The following OR3A1 variants were observed in gnomAD, a reference collection of about 807,000 sequenced individuals.
OR3A1 encodes the protein olfactory receptor 3A1.
For synonymous variants in OR3A1, 145 were observed against 160.0 expected (o/e 0.91, Z 0.71); for missense variants, 402 against 393.8 (o/e 1.02, Z -0.18).
intron 1 of OR3A1, among the ~76,000 whole-genome samples, chr17:3,298,078 G>A (rs1338292945): frequency 6.6e-6 from 1 of 152,122 alleles, no homozygotes; most frequent in Non-Finnish European, 1.5e-5. Flanking sequence ...TCCATTCACG[G>A]AGATGTCTTT....
Position 3,293,811 on chromosome 17 carries a change from G to A in OR3A1, c.-6-1223C>T, listed in dbSNP as rs185935715. Among the ~76,000 whole-genome samples, 50 of 152,326 alleles carry A rather than the reference G, an allele frequency of 3.3e-4. No homozygotes were observed. In the East Asian group the frequency reaches 7.7e-3, roughly 24 times the overall value. ...ATGAGATCATGTCCTTTGCAGGGAT[G>A]TGGATGAAGCTGGAAGCCATTATCC... On this transcript the variant is annotated intron_variant, in intron 1 of 1. Transcript: ENST00000323404.
At chr17:3,298,152 T>G (rs1481730231) in intron 1 of OR3A1, 131 bp downstream of exon 1, 1 of 152,122 alleles carries the variant, frequency 6.6e-6, no homozygotes, top group African/African-American at 2.4e-5. Context: ...TAAATAAGAA[T>G]AGGCTAGAAG....
intron 1 of OR3A1, among the ~76,000 whole-genome samples, chr17:3,293,358 G>GA (rs1312348157): frequency 1.3e-5 from 2 of 152,024 alleles, no homozygotes; most frequent in Non-Finnish European, 2.9e-5. Flanking sequence ...GCAAAAGGTA[G>GA]AAAAAAATAC....
At chr17:3,296,721 T>C (rs2048920902) in intron 1 of OR3A1, among the ~76,000 whole-genome samples, 1 of 152,132 alleles carries the variant, frequency 6.6e-6, no homozygotes, top group Admixed American at 6.5e-5. Flanking sequence ...ATGTGAAAAC[T>C]TGCTCGAGAA....
chr17:3,292,277 G>C lies in OR3A1; in HGVS notation c.306C>G (p.Thr102=). Residue 102 remains threonine (T), a synonymous_variant, in exon 2 of 2, where the codon ACC becomes ACG. Coordinates refer to ENST00000323404, the MANE Select transcript of OR3A1 (RefSeq NM_002550.3). ...CGAACAGATGGAAGAAGAAGAGCTGGGTAAGGCAGGCCCCACAGGGAACTG... is the reference window on the plus strand; with the variant it reads ...CGAACAGATGGAAGAAGAAGAGCTGCGTAAGGCAGGCCCCACAGGGAACTG... ...KRAVPCGACL[T]QLFFFHLFVG... 6.2e-7 allele frequency: 1 copy of C among 1,614,178 alleles called. No individual in the cohort carries two copies. Among genetic ancestry groups the C allele is most frequent in the Non-Finnish European group, 8.5e-7 (1 of 1,180,034 alleles).
In OR3A1 at chr17:3,291,748, T is replaced by C; in HGVS notation, c.835A>G (p.Ile279Val). ...ATGGGATTGATGACAGTGTTGAAAATTCCAACAGCTTTATCCTTGTCTGAA... is the reference window on the plus strand; with the variant it reads ...ATGGGATTGATGACAGTGTTGAAAACTCCAACAGCTTTATCCTTGTCTGAA... ...KLSDKDKAVG[I>V]FNTVINPMLN... The change falls in exon 2 of 2, where the codon ATT (isoleucine) becomes GTT (valine). Residue 279 changes from isoleucine to valine, a missense_variant. Ile to Val is a conservative substitution (Grantham distance 29, BLOSUM62 3). Transcript: ENST00000323404. 2 of 1,613,732 alleles carry C rather than the reference T, an allele frequency of 1.2e-6. No individual in the cohort carries two copies. Among genetic ancestry groups the C allele is most frequent in the Middle Eastern group, 1.6e-4 (1 of 6,062 alleles).
chr17:3,298,344 G>T lies in OR3A1; in HGVS notation c.-68C>A, dbSNP rs1597325626. 6.6e-6 allele frequency: 1 copy of T among 152,150 alleles called. No individual in the cohort carries two copies. The highest frequency in any genetic ancestry group is 1.9e-4 in the East Asian group (1 of 5,194). The allele number at this position is 152,150 out of a possible 1,614,324, so 9.4% of individuals were successfully genotyped here. A position where few individuals can be genotyped will look rare whatever the true frequency, so the allele number is the denominator to read the frequency against. ...AGGCTGCCCTTATTGAGTGATCCTG[G>T]ATCCCTGCTCCAACATTCCAACTAA... On this transcript the variant is annotated 5_prime_UTR_variant, in exon 1 of 2. Coordinates refer to ENST00000323404, the MANE Select transcript of OR3A1 (RefSeq NM_002550.3).
At chr17:3,294,289 A>G (rs546779393) in intron 1 of OR3A1, among the ~76,000 whole-genome samples, 2 of 152,168 alleles carry the variant, frequency 1.3e-5, no homozygotes, top group African/African-American at 4.8e-5. Flanking sequence ...GAGCTGGAAG[A>G]AGAAAGAAAA....
rs766454594 is a variant in OR3A1, at chr17:3,292,561, T to C, written c.22A>G (p.Asn8Asp). 1.2e-6 allele frequency: 2 copies of C among 1,609,472 alleles called. No homozygotes were observed. Among genetic ancestry groups the C allele is most frequent in the South Asian group, 1.1e-5 (1 of 90,820 alleles). ...ATGAACTCAGCAATGACTGTTCCAT[T>C]GGCCCCAGATTCTGGCTGCATGAGT... is the stretch of plus-strand genomic sequence containing the variant. MQPESGANGTVIAEFILL... is the reference protein window; with the variant it reads MQPESGADGTVIAEFILL... Residue 8 changes from asparagine (N) to aspartate (D), a missense_variant, in exon 2 of 2, where the codon AAT becomes GAT. Physicochemically the swap from Asn to Asp is conservative, Grantham distance 23. Coordinates refer to ENST00000323404, the MANE Select transcript of OR3A1 (RefSeq NM_002550.3).
At position 3,292,411 on chromosome 17, in the gene OR3A1, G is replaced by C; in HGVS notation, c.172C>G (p.Leu58Val). The C allele has an allele frequency of 6.2e-7, 1 of 1,614,038 alleles. No homozygotes were observed. The highest frequency in any genetic ancestry group is 1.6e-4 in the Middle Eastern group (1 of 6,062). The change falls in exon 2 of 2, where the codon CTC becomes GTC. Residue 58 changes from leucine (L) to valine (V), a missense_variant. Physicochemically the swap from Leu to Val is conservative, Grantham distance 32. Transcript: ENST00000323404. ...AGGAAGAAGTACATGGGGGTGTGGAGTTTGGGCTCCACCAAGACAGCTGCC... is the reference window on the plus strand; with the variant it reads ...AGGAAGAAGTACATGGGGGTGTGGACTTTGGGCTCCACCAAGACAGCTGCC... Reference protein sequence around the residue: ...ILAAVLVEPKLHTPMYFFLGN... With the variant: ...ILAAVLVEPKVHTPMYFFLGN...
rs2048868569 is a variant in OR3A1 at position 3,291,683 on chromosome 17, C to A, written c.900G>T (p.Val300=). ...PIIYSFRNPD[V]QSAIWRMLTG... ...TGAGCATCCTCCAGATGGCACTCTGCACATCAGGGTTTCTGAAGCTGTAGA... is the reference window on the plus strand; with the variant it reads ...TGAGCATCCTCCAGATGGCACTCTGAACATCAGGGTTTCTGAAGCTGTAGA... Residue 300 remains valine, a synonymous_variant, in exon 2 of 2, where the codon GTG becomes GTT. Coordinates refer to ENST00000323404, the MANE Select transcript of OR3A1 (RefSeq NM_002550.3). 6.2e-7 allele frequency: 1 copy of A among 1,610,082 alleles called. No homozygotes were observed. Among genetic ancestry groups the A allele is most frequent in the Non-Finnish European group, 8.5e-7 (1 of 1,176,712 alleles).
At chr17:3,295,437 A>G (rs2048911582) in intron 1 of OR3A1, among the ~76,000 whole-genome samples, 1 of 152,114 alleles carries the variant, frequency 6.6e-6, no homozygotes, top group African/African-American at 2.4e-5. Context: ...ACACAAAGTT[A>G]CAGTTATAAA....
At position 3,291,489 on chromosome 17, in the gene OR3A1, A is replaced by C. The variant is rs2048866145; in HGVS notation, c.*146T>G. 1.6e-6 allele frequency: 1 copy of C among 619,370 alleles called. No individual in the cohort carries two copies. Among genetic ancestry groups the C allele is most frequent in the Admixed American group, 3.0e-5 (1 of 33,022 alleles). The allele number at this position is 619,370 out of a possible 1,614,324, so 38.4% of individuals were successfully genotyped here. On this transcript the variant is annotated 3_prime_UTR_variant, in exon 2 of 2. Coordinates refer to ENST00000323404, the MANE Select transcript of OR3A1 (RefSeq NM_002550.3). The stretch of plus-strand genomic sequence containing the variant: ...TATAATTGGACAGGGCTGCTTTCAG[A>C]AATGAAAACTATTATTCCCTACAAA...
chr17:3,292,282 G>A lies in OR3A1; in HGVS notation c.301C>T (p.Leu101Phe), dbSNP rs777711411. ...RKRAVPCGAC[L>F]TQLFFFHLFV... ...AGATGGAAGAAGAAGAGCTGGGTAA[G>A]GCAGGCCCCACAGGGAACTGCACGC... Residue 101 changes from leucine (L) to phenylalanine (F), a missense_variant, in exon 2 of 2, where the codon CTT becomes TTT. Physicochemically the swap from Leu to Phe is conservative, Grantham distance 22. Transcript: ENST00000323404. 4.3e-6 allele frequency: 7 copies of A among 1,614,172 alleles called. No individual in the cohort carries two copies. The Admixed American group carries it at 1.0e-4, about 23-fold the overall frequency.
chr17:3,294,933 G>A (rs887122178), intron 1 of OR3A1, among the ~76,000 whole-genome samples: 1 of 152,054 alleles, frequency 6.6e-6, no homozygotes. Flanking sequence ...GTTGAAGAAA[G>A]CAGACTTCAG....
Position 3,291,792 on chromosome 17 carries a change from C to T in OR3A1, c.791G>A (p.Arg264Gln), listed in dbSNP as rs540886927. The T allele has an allele frequency of 1.5e-5, 25 of 1,613,698 alleles. No individual in the cohort carries two copies. Among genetic ancestry groups the T allele is most frequent in the South Asian group, 1.4e-4 (13 of 91,066 alleles). Residue 264 changes from arginine to glutamine, a missense_variant, in exon 2 of 2, where the codon CGA (arginine) becomes CAA (glutamine). Coordinates refer to ENST00000323404, the MANE Select transcript of OR3A1 (RefSeq NM_002550.3). ...FYGSGIFNYM[R>Q]LGSTKLSDKD... The stretch of plus-strand genomic sequence containing the variant: ...GTCTGAAAGCTTGGTTGAACCCAGT[C>T]GCATATAGTTAAAGATACCTGAACC...
In OR3A1 at chr17:3,297,705, A is replaced by G. The variant is rs903051808; in HGVS notation, c.-7+578T>C. ...TTGCATTCTTAATGCCTTGTGTCAC[A>G]CTTTGCATACAGTAGGGTTCAATAT... On this transcript the variant is annotated intron_variant, in intron 1 of 1. Transcript: ENST00000323404. Among the ~76,000 whole-genome samples the G allele has an allele frequency of 3.3e-5, 5 of 152,096 alleles. 1 individual carries two copies. Among genetic ancestry groups the G allele is most frequent in the African/African-American group, 1.2e-4 (5 of 41,368 alleles).
rs1239183888 is a variant in OR3A1 at position 3,292,128 on chromosome 17, C to A, written c.455G>T (p.Trp152Leu). The A allele has an allele frequency of 6.2e-7, 1 of 1,614,140 alleles. No individual in the cohort carries two copies. The highest frequency in any genetic ancestry group is 8.5e-7 in the Non-Finnish European group (1 of 1,180,014). ...CAGTGCGTTGGTGAAAGCACAAGCC[C>A]AGGACGCAGCCACCAACATCCTCTG... ...TVQRMLVAASWACAFTNALTH... is the reference protein window; with the variant it reads ...TVQRMLVAASLACAFTNALTH... Residue 152 changes from tryptophan (W) to leucine (L), a missense_variant, in exon 2 of 2, where the codon TGG becomes TTG. Physicochemically the swap from Trp to Leu is moderately conservative, Grantham distance 61. Coordinates refer to ENST00000323404, the MANE Select transcript of OR3A1 (RefSeq NM_002550.3).
intron 1 of OR3A1, among the ~76,000 whole-genome samples, chr17:3,296,340 G>C (rs189481322): frequency 6.6e-6 from 1 of 152,088 alleles, no homozygotes; most frequent in South Asian, 2.1e-4. Context: ...TTAAATCAGT[G>C]TTCAGAAAAG....
Sources: allele counts gnomAD v4.1 joint callset (sites outside exome capture counted in the v4.1 genomes callset), GRCh38; gene constraint gnomAD v4.1.1; transcripts MANE v1.5; gene names NCBI Gene and HGNC (gene_info 2026-07-23, HGNC 2026-07-21).